The following ZBTB20 variants were observed in gnomAD, a reference collection of about 807,000 sequenced individuals.
ZBTB20 encodes zinc finger and BTB domain-containing protein 20.
ZBTB20 carries 9 observed loss-of-function variants against 56.9 expected under a neutral mutation model. That is an observed-to-expected ratio of 0.16 (90% CI 0.10 to 0.28). The LOEUF (loss-of-function observed/expected upper bound fraction) is 0.28, where lower values mean the gene tolerates loss of function less well. ZBTB20 is among the 10% of genes least tolerant of loss of function. ZBTB20 has a pLI of 1.00. For missense variants in ZBTB20, 655 were observed against 1,003.0 expected (o/e 0.65, Z 4.69); for synonymous variants, 417 against 420.7 (o/e 0.99, Z 0.11).
chr3:114,509,265 C>T (rs910046005), intron 6 of ZBTB20, among the ~76,000 whole-genome samples: 1 of 152,114 alleles, frequency 6.6e-6, no homozygotes, highest in African/African-American at 2.4e-5. Flanking sequence ...TCCATCTCCC[C>T]AACCACAACT....
At chr3:114,407,331 C>A (rs1417175662) in intron 7 of ZBTB20, among the ~76,000 whole-genome samples, 1 of 152,252 alleles carries the variant, frequency 6.6e-6, no homozygotes, top group South Asian at 2.1e-4. Context: ...ATCTGAACTA[C>A]CAGAAAGTGG....
At chr3:114,924,064 CA>C (rs1243387084) in intron 3 of ZBTB20, among the ~76,000 whole-genome samples, 6 of 151,750 alleles carry the variant, frequency 4.0e-5, no homozygotes, top group Non-Finnish European at 8.8e-5. Context: ...TAAATATCTG[CA>C]AGAATGTGGA....
chr3:114,985,274 T>C (rs1464678224), intron 2 of ZBTB20, among the ~76,000 whole-genome samples: 1 of 152,056 alleles, frequency 6.6e-6, no homozygotes, highest in Admixed American at 6.6e-5. Flanking sequence ...ACAGAAATCG[T>C]TAGCCATAAA....
At chr3:114,590,316 C>T (rs1174891590) in intron 6 of ZBTB20, among the ~76,000 whole-genome samples, 2 of 151,874 alleles carry the variant, frequency 1.3e-5, no homozygotes, top group African/African-American at 4.8e-5. Flanking sequence ...ATTAGCCAGT[C>T]ATGATGGTGG....
At chr3:114,735,637 T>C (rs2066095016) in intron 5 of ZBTB20, among the ~76,000 whole-genome samples, 2 of 152,154 alleles carry the variant, frequency 1.3e-5, no homozygotes, top group African/African-American at 4.8e-5. Context: ...ATTTAATATA[T>C]TAGTTTAAAA....
rs529808602 is a variant in ZBTB20 at position 114,612,521 on chromosome 3, A to T, written c.-295+81007T>A. Among the ~76,000 whole-genome samples, 5 of 152,206 alleles carry T rather than the reference A, an allele frequency of 3.3e-5. No individual in the cohort carries two copies. In the South Asian group the frequency reaches 1.0e-3, roughly 32 times the overall value. On this transcript the variant is annotated intron_variant, in intron 6 of 11. Transcript: ENST00000675478. ...CCATCGTTTTATTAAAAAAAAGTCC[A>T]AAAGAGGATGACAATAACAGGAACA...
chr3:115,087,576 T>A (rs901392502), intron 1 of ZBTB20, among the ~76,000 whole-genome samples: 58 of 151,856 alleles, frequency 3.8e-4, no homozygotes, highest in African/African-American at 1.2e-3. Flanking sequence ...AGCATCTTTA[T>A]CAGCAAAAAA....
At chr3:114,609,150 T>C (rs559612113) in intron 6 of ZBTB20, among the ~76,000 whole-genome samples, 2 of 152,312 alleles carry the variant, frequency 1.3e-5, no homozygotes, top group Admixed American at 1.3e-4. Context: ...AGAAACACCA[T>C]CTAAGATGAG....
At chr3:114,575,815 G>C (rs1296099343) in intron 6 of ZBTB20, among the ~76,000 whole-genome samples, 2 of 152,092 alleles carry the variant, frequency 1.3e-5, no homozygotes, top group African/African-American at 4.8e-5. Flanking sequence ...AGAGGGGTAG[G>C]GCATAAGAGG....
chr3:114,489,754 C>T (rs550526174), intron 7 of ZBTB20, among the ~76,000 whole-genome samples: 6 of 152,232 alleles, frequency 3.9e-5, no homozygotes, highest in Non-Finnish European at 7.4e-5. Flanking sequence ...CTGTTTTGCT[C>T]GACAGCTGCC....
chr3:114,436,312 C>T (rs2090512762), intron 7 of ZBTB20, among the ~76,000 whole-genome samples: 1 of 152,064 alleles, frequency 6.6e-6, no homozygotes, highest in South Asian at 2.1e-4. Context: ...CTTAGGAGTT[C>T]CCGTATCAGA....
In ZBTB20 at chr3:114,323,412, G is replaced by C. The variant is rs1390978506; in HGVS notation, c.*15593C>G. On this transcript the variant is annotated 3_prime_UTR_variant, in exon 12 of 12. Transcript: ENST00000675478. ...GTCATCTTAAAGGACTTTACCACAT[G>C]CATAGCCTTCCTCTTTGGTTAGCCT... 6.6e-6 allele frequency: 1 copy of C among 152,214 alleles called. No homozygotes were observed. Among genetic ancestry groups the C allele is most frequent in the Non-Finnish European group, 1.5e-5 (1 of 68,040 alleles). The allele number at this position is 152,214 out of a possible 1,614,324, so 9.4% of individuals were successfully genotyped here. A position where few individuals can be genotyped will look rare whatever the true frequency, so the allele number is the denominator to read the frequency against.
chr3:114,892,242 GTATTCATCA>G (rs1576246548), intron 4 of ZBTB20, among the ~76,000 whole-genome samples: 1 of 152,148 alleles, frequency 6.6e-6, no homozygotes. Flanking sequence ...CTAAGGAAGT[GTATTCATCA>G]TATTCCATAA....
chr3:115,099,654 C>T (rs2083506480), intron 1 of ZBTB20, among the ~76,000 whole-genome samples: 1 of 152,124 alleles, frequency 6.6e-6, no homozygotes, highest in Non-Finnish European at 1.5e-5. Context: ...AGGATTTAAA[C>T]TGTAAATATG....
intron 6 of ZBTB20, among the ~76,000 whole-genome samples, chr3:114,664,113 T>C (rs1438452197): frequency 2.6e-5 from 4 of 152,190 alleles, no homozygotes; most frequent in African/African-American, 7.2e-5. Flanking sequence ...ATGAGACTCA[T>C]GAACTTGTAT....
intron 1 of ZBTB20, among the ~76,000 whole-genome samples, chr3:115,120,205 TTCA>T (rs2084143315): frequency 6.6e-6 from 1 of 152,110 alleles, no homozygotes; most frequent in African/African-American, 2.4e-5. Context: ...AGAAACGTAG[TTCA>T]TCAATTGTAA....
At chr3:114,418,852 ATTGG>A (rs2088849636) in intron 7 of ZBTB20, among the ~76,000 whole-genome samples, 1 of 152,102 alleles carries the variant, frequency 6.6e-6, no homozygotes, top group Non-Finnish European at 1.5e-5. Flanking sequence ...TGTTGCACAT[ATTGG>A]TTGCTGTGGA....
At chr3:114,342,507 G>T (rs2079860264) in intron 11 of ZBTB20, among the ~76,000 whole-genome samples, 1 of 152,194 alleles carries the variant, frequency 6.6e-6, no homozygotes, top group African/African-American at 2.4e-5. Context: ...TACAGATGTA[G>T]GAGTCAGATA....
At position 114,674,587 on chromosome 3, in the gene ZBTB20, C is replaced by A. The variant is rs541482697; in HGVS notation, c.-295+18941G>T. The stretch of plus-strand genomic sequence containing the variant: ...ACATGTAAACTACAATGAAGGAGTA[C>A]TAGAAAATAAAGTCAATTGGTATAA... On this transcript the variant is annotated intron_variant, in intron 6 of 11. Coordinates refer to ENST00000675478, the MANE Select transcript of ZBTB20 (RefSeq NM_001348800.3). 2.0e-5 allele frequency among the ~76,000 whole-genome samples: 3 copies of A among 149,790 alleles called. No homozygotes were observed. In the East Asian group the frequency reaches 8.7e-4, roughly 44 times the overall value.
Sources: allele counts gnomAD v4.1 joint callset (sites outside exome capture counted in the v4.1 genomes callset), GRCh38; gene constraint gnomAD v4.1.1; transcripts MANE v1.5; gene names NCBI Gene and HGNC (gene_info 2026-07-23, HGNC 2026-07-21).